ZNF697: variants seen among roughly 807,000 people sequenced by gnomAD.
ZNF697 encodes the protein zinc finger protein 697.
Under a neutral mutation model 32.4 loss-of-function variants are expected in ZNF697, and 23 were observed. That is an observed-to-expected ratio of 0.71 (90% CI 0.51 to 1.01). The LOEUF (loss-of-function observed/expected upper bound fraction) is 1.01. ZNF697 is among the 50% of genes least tolerant of loss of function. ZNF697 has a pLI of 0.00. For missense variants in ZNF697, 930 were observed against 794.0 expected (o/e 1.17, Z -2.06); for synonymous variants, 418 against 337.2 (o/e 1.24, Z -2.62).
intron 1 of ZNF697, among the ~76,000 whole-genome samples, chr1:119,636,998 T>G (rs954025985): frequency 6.6e-6 from 1 of 152,240 alleles, no homozygotes; most frequent in African/African-American, 2.4e-5. Flanking sequence ...TCCTATCAGC[T>G]GCTTACTTGG....
At position 119,621,576 on chromosome 1, in the gene ZNF697, G is replaced by A. The variant is rs1393636477; in HGVS notation, c.*1129C>T. ...ACTGTGCCTCCACGCGCAGGCAAAA[G>A]ACATTCTTACTTAGACTAGATCCCT... On this transcript the variant is annotated 3_prime_UTR_variant, in exon 3 of 3. Transcript: ENST00000421812. 1 of 152,646 alleles carries A rather than the reference G, an allele frequency of 6.6e-6. No homozygotes were observed. Among genetic ancestry groups the A allele is most frequent in the South Asian group, 2.1e-4 (1 of 4,836 alleles). The allele number at this position is 152,646 out of a possible 1,614,324, so 9.5% of individuals were successfully genotyped here.
chr1:119,623,810 T>C lies in ZNF697; in HGVS notation c.533A>G (p.Asp178Gly), dbSNP rs922166049. The part of the protein sequence containing the change: ...HPMAVDLGEL[D>G]SLVASIMDAP... ...GTCCATGATGCTGGCCACCAGGCTATCCAGCTCCCCGAGGTCCACGGCCAT... is the reference window on the plus strand; with the variant it reads ...GTCCATGATGCTGGCCACCAGGCTACCCAGCTCCCCGAGGTCCACGGCCAT... Residue 178 changes from aspartate to glycine, a missense_variant, in exon 3 of 3, where the codon GAT (aspartate) becomes GGT (glycine). By Grantham distance (94) the Asp-to-Gly change is moderately conservative. Coordinates refer to ENST00000421812, the MANE Select transcript of ZNF697 (RefSeq NM_001080470.2). The C allele has an allele frequency of 6.5e-7, 1 of 1,547,866 alleles. No homozygotes were observed. The highest frequency in any genetic ancestry group is 8.7e-7 in the Non-Finnish European group (1 of 1,145,952).
rs1395441465 is a variant in ZNF697 at position 119,623,896 on chromosome 1, C to T, written c.447G>A (p.Leu149=). ...PVLPWRRHLS[L]GSRHRGDKPA... is the part of the protein sequence containing the mutation. ...GCTTGTCACCTCGGTGCCGACTCCCCAGGGAGAGATGTCGCCTCCAGGGAA... is the reference window on the plus strand; with the variant it reads ...GCTTGTCACCTCGGTGCCGACTCCCTAGGGAGAGATGTCGCCTCCAGGGAA... The change falls in exon 3 of 3, where the codon CTG becomes CTA. Residue 149 remains leucine (L), a synonymous_variant. Transcript: ENST00000421812. The T allele has an allele frequency of 6.4e-7, 1 of 1,553,046 alleles. No homozygotes were observed. Among genetic ancestry groups the T allele is most frequent in the East Asian group, 2.4e-5 (1 of 41,780 alleles).
chr1:119,629,301 CA>C (rs1348775673), intron 1 of ZNF697, among the ~76,000 whole-genome samples: 1 of 152,246 alleles, frequency 6.6e-6, no homozygotes, highest in Non-Finnish European at 1.5e-5. Flanking sequence ...GTGATAACCT[CA>C]ATCTAGAAAA....
chr1:119,623,615 G>A lies in ZNF697; in HGVS notation c.728C>T (p.Ala243Val). 2 of 476,750 alleles carry A rather than the reference G, an allele frequency of 4.2e-6. No individual in the cohort carries two copies. The highest frequency in any genetic ancestry group is 6.4e-6 in the Non-Finnish European group (2 of 314,420). The allele number at this position is 476,750 out of a possible 1,614,324, so 29.5% of individuals were successfully genotyped here. The change falls in exon 3 of 3, where the codon GCG (alanine) becomes GTG (valine). Residue 243 changes from alanine to valine, a missense_variant. Physicochemically the swap from Ala to Val is moderately conservative, Grantham distance 64. Transcript: ENST00000421812. ...AMVGMMGVGV[A>V]GGFGAGPPLA... is the part of the protein sequence containing the mutation. ...CGGGGGCCCGGCCCCGAAGCCCCCC[G>A]CCACACCCACCCCCATCATGCCCAC...
chr1:119,623,209 C>T lies in ZNF697; in HGVS notation c.1134G>A (p.Glu378=), dbSNP rs1648413240. The T allele has an allele frequency of 6.4e-7, 1 of 1,571,996 alleles. No individual in the cohort carries two copies. The highest frequency in any genetic ancestry group is 1.4e-5 in the African/African-American group (1 of 73,358). Residue 378 remains glutamate, a synonymous_variant, in exon 3 of 3, where the codon GAG becomes GAA. Coordinates refer to ENST00000421812, the MANE Select transcript of ZNF697 (RefSeq NM_001080470.2). ...CGCACTCGCCACAGCCGTGCGGCTT[C>T]TCGCCCGTGTGGATGCGCTGGTGGT... ...LANHQRIHTG[E]KPHGCGECGK...
intron 2 of ZNF697, among the ~76,000 whole-genome samples, chr1:119,624,671 T>C (rs587674731): frequency 6.6e-6 from 1 of 152,298 alleles, no homozygotes; most frequent in Non-Finnish European, 1.5e-5. Flanking sequence ...CTTGGCTCAC[T>C]GCAACCTCCG....
rs1177120835 is a variant in ZNF697 at position 119,623,201 on chromosome 1, T to G, written c.1142A>C (p.His381Pro). 5 of 1,561,708 alleles carry G rather than the reference T, an allele frequency of 3.2e-6. No homozygotes were observed. The highest frequency in any genetic ancestry group is 3.5e-6 in the Non-Finnish European group (4 of 1,149,576). The change falls in exon 3 of 3, where the codon CAC becomes CCC. Residue 381 changes from histidine (H) to proline (P), a missense_variant. By Grantham distance (77) the His-to-Pro change is moderately conservative. Coordinates refer to ENST00000421812, the MANE Select transcript of ZNF697 (RefSeq NM_001080470.2). ...HQRIHTGEKP[H>P]GCGECGKRFS... is the part of the protein sequence containing the mutation. The stretch of plus-strand genomic sequence containing the variant: ...GCGCTTGCCGCACTCGCCACAGCCG[T>G]GCGGCTTCTCGCCCGTGTGGATGCG...
rs1441727595 is a variant in ZNF697 at position 119,620,057 on chromosome 1, G to A, written c.*2648C>T. On this transcript the variant is annotated 3_prime_UTR_variant, in exon 3 of 3. Transcript: ENST00000421812. ...ATGCATTTAACCTCACTTAATGCAG[G>A]TAAGTTCCCTGAAGAATTGTAAGAA... 2 of 152,624 alleles carry A rather than the reference G, an allele frequency of 1.3e-5. No homozygotes were observed. The highest frequency in any genetic ancestry group is 4.8e-5 in the African/African-American group (2 of 41,450). 9.5% of individuals were successfully genotyped at this position (152,624 alleles called of 1,614,324 possible). A position where few individuals can be genotyped will look rare whatever the true frequency, so the allele number is the denominator to read the frequency against.
chr1:119,625,643 A>G (rs953159989), intron 2 of ZNF697, among the ~76,000 whole-genome samples: 1 of 152,220 alleles, frequency 6.6e-6, no homozygotes, highest in Non-Finnish European at 1.5e-5. Context: ...TCTACACTGT[A>G]AAAAGTACTG....
rs181375696 is a variant in ZNF697 at position 119,637,370 on chromosome 1, T to C, written c.-38+10321A>G. Reference sequence around the variant, plus strand: ...AGCTTTGCAGTCCCCATATGGGAAGTTGTATAGATGTGGGCCCGGTGGCAG... The same window carrying C: ...AGCTTTGCAGTCCCCATATGGGAAGCTGTATAGATGTGGGCCCGGTGGCAG... On this transcript the variant is annotated intron_variant, in intron 1 of 2. Coordinates refer to ENST00000421812, the MANE Select transcript of ZNF697 (RefSeq NM_001080470.2). Among the ~76,000 whole-genome samples, 7 of 152,330 alleles carry C rather than the reference T, an allele frequency of 4.6e-5. No homozygotes were observed. The East Asian group carries it at 1.2e-3, about 25-fold the overall frequency.
rs1648359396 is a variant in ZNF697, at chr1:119,622,429, C to A, written c.*276G>T. ...CCCTTCCTCAAAGTGCCTGGTCCTC[C>A]AAGCTCTTCACCCCCTACAGCGTGT... On this transcript the variant is annotated 3_prime_UTR_variant, in exon 3 of 3. Coordinates refer to ENST00000421812, the MANE Select transcript of ZNF697 (RefSeq NM_001080470.2). The A allele has an allele frequency of 4.7e-5, 22 of 472,912 alleles. No individual in the cohort carries two copies. The highest frequency in any genetic ancestry group is 7.2e-5 in the Non-Finnish European group (21 of 292,252). The allele number at this position is 472,912 out of a possible 1,614,324, so 29.3% of individuals were successfully genotyped here. A position where few individuals can be genotyped will look rare whatever the true frequency, so the allele number is the denominator to read the frequency against.
At chr1:119,635,766 A>G (rs926803362) in intron 1 of ZNF697, among the ~76,000 whole-genome samples, 1 of 129,056 alleles carries the variant, frequency 7.7e-6, no homozygotes, top group Non-Finnish European at 1.6e-5. Context: ...TGTGATCTCC[A>G]TGAGATGAAC....
chr1:119,645,929 T>TA (rs1649190259), intron 1 of ZNF697, among the ~76,000 whole-genome samples: 1 of 152,198 alleles, frequency 6.6e-6, no homozygotes, highest in Non-Finnish European at 1.5e-5. Flanking sequence ...TTATCATCCT[T>TA]ACAACCAACC....
rs1557934877 is a variant in ZNF697, at chr1:119,623,959, C to G, written c.384G>C (p.Arg128=). The change falls in exon 3 of 3, where the codon CGG becomes CGC. Residue 128 remains arginine (R), a synonymous_variant. Transcript: ENST00000421812. ...EDDDESAGEN[R]LEEEEEQPAP... Reference sequence around the variant, plus strand: ...CCGGCTGCTCCTCTTCCTCCTCCAGCCGGTTCTCCCCAGCACTCTCGTCGT... The same window carrying G: ...CCGGCTGCTCCTCTTCCTCCTCCAGGCGGTTCTCCCCAGCACTCTCGTCGT... 1 of 1,604,742 alleles carries G rather than the reference C, an allele frequency of 6.2e-7. No homozygotes were observed. Among genetic ancestry groups the G allele is most frequent in the Non-Finnish European group, 8.5e-7 (1 of 1,175,858 alleles).
chr1:119,628,795 G>A (rs1427810001), intron 1 of ZNF697, among the ~76,000 whole-genome samples: 1 of 152,180 alleles, frequency 6.6e-6, no homozygotes, highest in Non-Finnish European at 1.5e-5. Context: ...TAGAAGTTAG[G>A]AAAGATGATC....
At position 119,648,202 on chromosome 1, in the gene ZNF697, T is replaced by TGGCTGGCTGGC. The variant is rs1553230568; in HGVS notation, c.-550_-549insGCCAGCCAGCC. On this transcript the variant is annotated 5_prime_UTR_variant, in exon 1 of 3. Coordinates refer to ENST00000421812, the MANE Select transcript of ZNF697 (RefSeq NM_001080470.2). Reference sequence around the variant, plus strand: ...GCTGGGTGGCCCGCTGGCTGGCTGGTTGGCTGGCTGGCTGGCTGGCTGGCT... The same window carrying TGGCTGGCTGGC: ...GCTGGGTGGCCCGCTGGCTGGCTGGTGGCTGGCTGGCTGGCTGGCTGGCTGGCTGGCTGGCT... Among the ~76,000 whole-genome samples the TGGCTGGCTGGC allele has an allele frequency of 6.7e-6, 1 of 150,298 alleles. No homozygotes were observed. The highest frequency in any genetic ancestry group is 1.5e-5 in the Non-Finnish European group (1 of 67,328).
intron 1 of ZNF697, among the ~76,000 whole-genome samples, chr1:119,640,808 C>T (rs1269842870): frequency 1.3e-5 from 2 of 152,212 alleles, no homozygotes; most frequent in Non-Finnish European, 2.9e-5. Context: ...TAAGGCAGGG[C>T]AGGGAGTGCA....
chr1:119,644,728 C>A (rs748220226), intron 1 of ZNF697, among the ~76,000 whole-genome samples: 1 of 152,090 alleles, frequency 6.6e-6, no homozygotes, highest in African/African-American at 2.4e-5. Context: ...CAATAAGTGG[C>A]GACTATTATT....
Sources: allele counts gnomAD v4.1 joint callset (sites outside exome capture counted in the v4.1 genomes callset), GRCh38; gene constraint gnomAD v4.1.1; transcripts MANE v1.5; gene names NCBI Gene and HGNC (gene_info 2026-07-23, HGNC 2026-07-21).